Variants in ANKS1B observed in about 807,000 individuals in gnomAD.
ANKS1B encodes the protein ankyrin repeat and sterile alpha motif domain-containing protein 1B.
A neutral mutation model predicts 148.3 loss-of-function variants in ANKS1B; 36 were observed. The ratio of observed to expected loss-of-function variants is 0.24; its 90% CI spans 0.19 to 0.32. The LOEUF (loss-of-function observed/expected upper bound fraction) is 0.32. Ranked by LOEUF, ANKS1B falls within the 10% of genes least tolerant of loss-of-function variation. The pLI, the probability that ANKS1B is intolerant of heterozygous loss-of-function variation, is 1.00. For synonymous variants in ANKS1B, 542 were observed against 560.8 expected (o/e 0.97, Z 0.47); for missense variants, 1,157 against 1,542.6 (o/e 0.75, Z 4.19).
intron 9 of ANKS1B, among the ~76,000 whole-genome samples, chr12:99,630,397 C>T (rs2098145858): frequency 6.6e-6 from 1 of 151,930 alleles, no homozygotes; most frequent in African/African-American, 2.4e-5. Context: ...GCTGAAGAAA[C>T]ATCTAAAGAT....
intron 1 of ANKS1B, among the ~76,000 whole-genome samples, chr12:99,859,341 T>C (rs575242405): frequency 9.8e-5 from 15 of 152,360 alleles, no homozygotes; most frequent in African/African-American, 3.6e-4. Context: ...ATATACTTTA[T>C]GCAAATCCAC....
chr12:98,874,303 GA>G lies in ANKS1B; in HGVS notation c.2779-42168del, dbSNP rs550763039. 8.6e-4 allele frequency among the ~76,000 whole-genome samples: 128 copies of G among 148,250 alleles called. 1 individual carries two copies. The highest frequency in any genetic ancestry group is 2.9e-3 in the East Asian group (15 of 5,118). Reference sequence around the variant, plus strand: ...AATAAGAAGCCGAGCTTTATGAAGGGAAAAAAAAAATGGCACGCCAAATTTG... The same window carrying G: ...AATAAGAAGCCGAGCTTTATGAAGGGAAAAAAAAATGGCACGCCAAATTTG... On this transcript the variant is annotated intron_variant, in intron 17 of 26. Coordinates refer to ENST00000683438, the MANE Select transcript of ANKS1B (RefSeq NM_001352186.2).
chr12:99,265,196 C>A (rs977642029), intron 12 of ANKS1B, among the ~76,000 whole-genome samples: 1 of 151,974 alleles, frequency 6.6e-6, no homozygotes, highest in African/African-American at 2.4e-5. Context: ...TAGTGTGGAC[C>A]CCAGAACAGC....
intron 10 of ANKS1B, among the ~76,000 whole-genome samples, chr12:99,467,548 T>C (rs1166245352): frequency 1.3e-5 from 2 of 152,182 alleles, no homozygotes; most frequent in Non-Finnish European, 2.9e-5. Context: ...CCCCACTGTC[T>C]CAGCCCAAAA....
rs116979940 is a variant in ANKS1B, at chr12:98,963,975, T to C, written c.2778+89182A>G. On this transcript the variant is annotated intron_variant, in intron 17 of 26. Transcript: ENST00000683438. ...TTAGCTGGGTATGGTGGCCCATGCC[T>C]GTAATCCAGATCTTCGGGAGGCTGA... is the stretch of plus-strand genomic sequence containing the variant. Among the ~76,000 whole-genome samples, 389 of 152,194 alleles carry C rather than the reference T, an allele frequency of 2.6e-3. 10 individuals are homozygous for C. In the East Asian group the frequency reaches 0.045, roughly 18 times the overall value.
At chr12:99,097,047 A>C (rs1222471396) in intron 15 of ANKS1B, 1 of 152,186 alleles carries the variant, frequency 6.6e-6, no homozygotes, top group Admixed American at 6.5e-5. Context: ...TCATGCCTGA[A>C]GCATCTTTGC....
chr12:98,750,340 G>A (rs941464511), intron 26 of ANKS1B, among the ~76,000 whole-genome samples: 33 of 152,288 alleles, frequency 2.2e-4, no homozygotes, highest in Admixed American at 2.0e-3. Context: ...AAAGTAAACT[G>A]TCAGGGAACT....
chr12:99,825,801 T>A (rs1167226273), intron 1 of ANKS1B, among the ~76,000 whole-genome samples: 1 of 152,216 alleles, frequency 6.6e-6, no homozygotes, highest in Admixed American at 6.5e-5. Flanking sequence ...CGGTGATTTA[T>A]ATAAGTTATA....
chr12:99,721,434 A>C (rs1411845531), intron 8 of ANKS1B, among the ~76,000 whole-genome samples: 3 of 152,144 alleles, frequency 2.0e-5, no homozygotes, highest in Non-Finnish European at 4.4e-5. Flanking sequence ...CCACAAAAGA[A>C]GTGAAAATGG....
At position 99,615,045 on chromosome 12, in the gene ANKS1B, T is replaced by C. The variant is rs192042579; in HGVS notation, c.1272+40022A>G. Among the ~76,000 whole-genome samples the C allele has an allele frequency of 3.9e-3, 595 of 152,304 alleles. 10 individuals are homozygous for C. The South Asian group carries it at 0.048, about 12-fold the overall frequency. On this transcript the variant is annotated intron_variant, in intron 9 of 26. Transcript: ENST00000683438. ...ATGATTCCATCCATTACTGATATATTGTATCATGAAAATAGTGTTTATAAA... is the reference window on the plus strand; with the variant it reads ...ATGATTCCATCCATTACTGATATATCGTATCATGAAAATAGTGTTTATAAA...
At chr12:99,847,317 T>C (rs1380279050) in intron 1 of ANKS1B, among the ~76,000 whole-genome samples, 1 of 152,064 alleles carries the variant, frequency 6.6e-6, no homozygotes, top group Non-Finnish European at 1.5e-5. Context: ...CTCCCCTTTC[T>C]TCCCCAAGGC....
intron 11 of ANKS1B, among the ~76,000 whole-genome samples, chr12:99,413,649 C>A (rs1208413532): frequency 6.6e-6 from 1 of 152,092 alleles, no homozygotes; most frequent in Non-Finnish European, 1.5e-5. Context: ...TTTTAAAAAT[C>A]TTTATATCTC....
chr12:99,566,101 T>C (rs1283947831), intron 9 of ANKS1B, among the ~76,000 whole-genome samples: 1 of 152,212 alleles, frequency 6.6e-6, no homozygotes, highest in African/African-American at 2.4e-5. Context: ...TATTTCTCAA[T>C]GCCATACTTT....
At chr12:99,179,985 C>T (rs1009559607) in intron 14 of ANKS1B, among the ~76,000 whole-genome samples, 2 of 152,136 alleles carry the variant, frequency 1.3e-5, no homozygotes, top group African/African-American at 2.4e-5. Flanking sequence ...TGAACCCTTT[C>T]CTCCTTGTTA....
intron 14 of ANKS1B, among the ~76,000 whole-genome samples, chr12:99,217,074 G>A (rs1301842265): frequency 6.6e-6 from 1 of 152,142 alleles, no homozygotes; most frequent in African/African-American, 2.4e-5. Context: ...TGATGATTTT[G>A]GAGCCAACAT....
chr12:99,204,676 G>A (rs1300020956), intron 14 of ANKS1B, among the ~76,000 whole-genome samples: 1 of 152,116 alleles, frequency 6.6e-6, no homozygotes, highest in Non-Finnish European at 1.5e-5. Flanking sequence ...CTGTTTTGAC[G>A]ATTCCCCCCT....
intron 10 of ANKS1B, among the ~76,000 whole-genome samples, chr12:99,466,720 C>T (rs2096123668): frequency 2.6e-5 from 4 of 151,888 alleles, no homozygotes; most frequent in Non-Finnish European, 4.4e-5. Context: ...ACACATACAC[C>T]CTCCCAAGAC....
chr12:99,845,092 A>C (rs2086420990), intron 1 of ANKS1B, among the ~76,000 whole-genome samples: 1 of 152,204 alleles, frequency 6.6e-6, no homozygotes, highest in Admixed American at 6.5e-5. Flanking sequence ...TTGCATCCTG[A>C]GACTGCTGAA....
At chr12:99,647,808 T>A (rs1340896585) in intron 9 of ANKS1B, 2 of 234,114 alleles carry the variant, frequency 8.5e-6, no homozygotes, top group Non-Finnish European at 1.7e-5. Flanking sequence ...GTTAAGGTTG[T>A]GGAATCAAAG....
Sources: gnomAD v4.1 joint callset for allele counts (sites outside exome capture counted in the v4.1 genomes callset) on GRCh38, gnomAD v4.1.1 for gene constraint, MANE v1.5 for transcripts, NCBI Gene and HGNC (gene_info 2026-07-23, HGNC 2026-07-21) for gene names.